PDIA5: variants seen among roughly 807,000 people sequenced by gnomAD.
PDIA5 encodes the protein protein disulfide isomerase family A member 5.
A neutral mutation model predicts 77.6 loss-of-function variants in PDIA5; 58 were observed. The observed-to-expected ratio is 0.75, with a 90% CI of 0.61 to 0.93. The LOEUF (loss-of-function observed/expected upper bound fraction) is 0.93, where lower values mean the gene tolerates loss of function less well. Among genes scored for constraint, PDIA5 ranks in the 40% least tolerant of loss-of-function variants. The pLI is 0.00. For missense variants in PDIA5, 630 were observed against 647.7 expected, an observed-to-expected ratio of 0.97 and a Z score of 0.30; for synonymous variants, 250 against 252.1, an observed-to-expected ratio of 0.99 and a Z score of 0.08.
chr3:123,145,846 C>G (rs962867977), intron 12 of PDIA5, among the ~76,000 whole-genome samples: 5 of 152,196 alleles, frequency 3.3e-5, no homozygotes, highest in Non-Finnish European at 5.9e-5. Flanking sequence ...CCCTGGCTAA[C>G]AGGAACAGGT....
At position 123,099,986 on chromosome 3, in the gene PDIA5, G is replaced by A. The variant is rs567776763; in HGVS notation, c.258-2425G>A. On this transcript the variant is annotated intron_variant, in intron 3 of 16. Transcript: ENST00000316218. ...CGGAGAGGCAATGAGCAAGCCCTTC[G>A]CAGCTGCTGGTGTCAGGATGGGGCT... Among the ~76,000 whole-genome samples, 177 of 152,370 alleles carry A rather than the reference G, an allele frequency of 1.2e-3. 2 individuals are homozygous for A. Among genetic ancestry groups the A allele is most frequent in the African/African-American group, 3.9e-3 (163 of 41,588 alleles).
intron 11 of PDIA5, among the ~76,000 whole-genome samples, chr3:123,141,804 C>A (rs1469930951): frequency 1.3e-5 from 2 of 152,158 alleles, no homozygotes; most frequent in African/African-American, 2.4e-5. Flanking sequence ...GTCAGTAGAA[C>A]CTTCTGCAGA....
intron 11 of PDIA5, among the ~76,000 whole-genome samples, chr3:123,132,060 G>A (rs1935382193): frequency 6.6e-6 from 1 of 152,164 alleles, no homozygotes; most frequent in South Asian, 2.1e-4. Context: ...CCCTACAGTG[G>A]TAACACATTG....
chr3:123,090,277 G>T (rs1934250671), intron 2 of PDIA5, among the ~76,000 whole-genome samples: 5 of 152,226 alleles, frequency 3.3e-5, no homozygotes, highest in Admixed American at 3.3e-4. Flanking sequence ...GTCAGGAATA[G>T]GGGCGAAATC....
chr3:123,075,283 G>A (rs1434222168), intron 1 of PDIA5, among the ~76,000 whole-genome samples: 1 of 152,192 alleles, frequency 6.6e-6, no homozygotes, highest in African/African-American at 2.4e-5. Context: ...GTCTGATCTG[G>A]AGATGTTAAT....
Position 123,067,096 on chromosome 3 carries a change from T to C in PDIA5, c.-69T>C. 1 of 1,200,622 alleles carries C rather than the reference T, an allele frequency of 8.3e-7. No individual in the cohort carries two copies. The allele number at this position is 1,200,622 out of a possible 1,614,324, so 74.4% of individuals were successfully genotyped here. A position where few individuals can be genotyped will look rare whatever the true frequency, so the allele number is the denominator to read the frequency against. Reference sequence around the variant, plus strand: ...CCGTGGTGGTTGGCCGCGGTGGAGCTAGCAGGCGGGCGGGCGGGAGCGGGC... The same window carrying C: ...CCGTGGTGGTTGGCCGCGGTGGAGCCAGCAGGCGGGCGGGCGGGAGCGGGC... On this transcript the variant is annotated 5_prime_UTR_variant, in exon 1 of 17. Transcript: ENST00000316218.
intron 6 of PDIA5, among the ~76,000 whole-genome samples, chr3:123,108,613 G>A (rs1005562306): frequency 0.29 from 114 of 390 alleles, no homozygotes; most frequent in African/African-American, 0.39. Context: ...ATGTGGGCCC[G>A]GCACTGGCTC....
intron 8 of PDIA5, among the ~76,000 whole-genome samples, chr3:123,117,991 G>A (rs554256557): frequency 6.6e-6 from 1 of 152,332 alleles, no homozygotes; most frequent in African/African-American, 2.4e-5. Flanking sequence ...GCCCCATTAA[G>A]GGAGACCTGA....
chr3:123,068,984 C>G (rs975154778), intron 1 of PDIA5, among the ~76,000 whole-genome samples: 1 of 152,126 alleles, frequency 6.6e-6, no homozygotes, highest in African/African-American at 2.4e-5. Flanking sequence ...GCTGCAGGTC[C>G]CCTTCACCAG....
chr3:123,145,464 G>A (rs1935744368), intron 11 of PDIA5, 58 bp from the exon 12 acceptor site: 2 of 1,354,296 alleles, frequency 1.5e-6, no homozygotes. Context: ...GCGGCGCAGG[G>A]GAGCATCCCG....
At chr3:123,068,790 G>C (rs1933652058) in intron 1 of PDIA5, among the ~76,000 whole-genome samples, 1 of 152,338 alleles carries the variant, frequency 6.6e-6, no homozygotes, top group South Asian at 2.1e-4. Context: ...CCTGGATTGG[G>C]CAAAGGAGTC....
In PDIA5 at chr3:123,102,403, T is replaced by TCTTC. The variant is rs752482166; in HGVS notation, c.258-6_258-3dup. 2 of 1,610,364 alleles carry TCTTC rather than the reference T, an allele frequency of 1.2e-6. No homozygotes were observed. The highest frequency in any genetic ancestry group is 2.2e-5 in the South Asian group (2 of 90,994). ...TAATAAATGGTTCCCAACATTTGTG[T>TCTTC]CTTCCAGTGATGCAGAGAGTAGAAA... On this transcript the variant is annotated splice_region_variant and splice_polypyrimidine_tract_variant and intron_variant, in intron 3 of 16. Coordinates refer to ENST00000316218, the MANE Select transcript of PDIA5 (RefSeq NM_006810.4).
chr3:123,092,750 T>A (rs1439779236), intron 3 of PDIA5, among the ~76,000 whole-genome samples: 3 of 152,130 alleles, frequency 2.0e-5, no homozygotes, highest in Non-Finnish European at 4.4e-5. Flanking sequence ...GGCCTTCCTG[T>A]CTTACAGAGG....
At chr3:123,070,051 C>T (rs2107899566) in intron 1 of PDIA5, among the ~76,000 whole-genome samples, 1 of 148,458 alleles carries the variant, frequency 6.7e-6, no homozygotes, top group South Asian at 2.1e-4. Flanking sequence ...GATCGCGCCA[C>T]TGCACTCCAG....
intron 15 of PDIA5, 113 bp downstream of exon 15, chr3:123,155,154 A>G: frequency 2.6e-6 from 2 of 758,376 alleles, no homozygotes; most frequent in Non-Finnish European, 2.3e-6. Flanking sequence ...ACCTGTAAGC[A>G]GGAAATTCCT....
chr3:123,131,515 C>T (rs1160004696), intron 11 of PDIA5, among the ~76,000 whole-genome samples: 5 of 150,122 alleles, frequency 3.3e-5, no homozygotes, highest in African/African-American at 1.2e-4. Context: ...CAAGTGGTCG[C>T]GGGCTGAGGC....
chr3:123,100,467 A>T (rs1934558235), intron 3 of PDIA5, among the ~76,000 whole-genome samples: 1 of 152,152 alleles, frequency 6.6e-6, no homozygotes, highest in Admixed American at 6.5e-5. Context: ...TGTCCTTGCC[A>T]CCTTGGGGTA....
At chr3:123,102,933 T>C in intron 5 of PDIA5, 137 bp downstream of exon 5, 1 of 699,236 alleles carries the variant, frequency 1.4e-6, no homozygotes, top group Non-Finnish European at 2.6e-6. Flanking sequence ...TTCTTATCTC[T>C]AGAGCATATG....
At chr3:123,117,374 T>TATATATATATATATATATATATATATATA in intron 8 of PDIA5, among the ~76,000 whole-genome samples, 1 of 79,872 alleles carries the variant, frequency 1.3e-5, no homozygotes, top group African/African-American at 4.8e-5. Flanking sequence ...TTCTATGATT[T>TATATATATATATATATATATATATATATA]TATATATATA....
Sources: allele counts gnomAD v4.1 joint callset (sites outside exome capture counted in the v4.1 genomes callset), GRCh38; gene constraint gnomAD v4.1.1; transcripts MANE v1.5; gene names NCBI Gene and HGNC (gene_info 2026-07-23, HGNC 2026-07-21).